CFAP95: variants seen among roughly 807,000 people sequenced by gnomAD.
The protein encoded by CFAP95 is cilia- and flagella-associated protein 95.
chr9:69,866,003 T>A, the CFAP95 span, among the ~76,000 whole-genome samples: 1 of 152,178 alleles, frequency 6.6e-6, no homozygotes, highest in African/African-American at 2.4e-5. Flanking sequence ...CTCTCACAGC[T>A]GGCCAGAGAT....
chr9:69,866,785 T>C, the CFAP95 span, among the ~76,000 whole-genome samples: 37 of 152,248 alleles, frequency 2.4e-4, no homozygotes, highest in African/African-American at 8.7e-4. Flanking sequence ...TATTTATCCA[T>C]TTTGAAATTT....
At chr9:69,881,578 A>G in the CFAP95 span, among the ~76,000 whole-genome samples, 1 of 152,184 alleles carries the variant, frequency 6.6e-6, no homozygotes, top group Non-Finnish European at 1.5e-5. Context: ...TTTGTAACAT[A>G]ATTTGAAGTC....
the CFAP95 span, among the ~76,000 whole-genome samples, chr9:69,892,628 A>G: frequency 2.6e-5 from 4 of 152,054 alleles, no homozygotes; most frequent in African/African-American, 9.7e-5. Flanking sequence ...GAGAATATAC[A>G]TTCCTTTTTA....
At chr9:69,853,984 G>C in the CFAP95 span, among the ~76,000 whole-genome samples, 1 of 152,160 alleles carries the variant, frequency 6.6e-6, no homozygotes, top group Non-Finnish European at 1.5e-5. Context: ...TAATTGTCCA[G>C]AACCAGTAAC....
the CFAP95 span, among the ~76,000 whole-genome samples, chr9:69,831,928 T>C: frequency 1.3e-5 from 2 of 152,318 alleles, no homozygotes; most frequent in African/African-American, 2.4e-5. Flanking sequence ...TATCCATCTA[T>C]CTATATGAAG....
the CFAP95 span, among the ~76,000 whole-genome samples, chr9:69,845,885 C>A: frequency 6.6e-6 from 1 of 152,182 alleles, no homozygotes; most frequent in African/African-American, 2.4e-5. Context: ...ACCCAACCCT[C>A]TTCCCTTTGC....
At chr9:69,856,737 G>A in the CFAP95 span, 3 of 1,155,510 alleles carry the variant, frequency 2.6e-6, no homozygotes, top group Admixed American at 2.0e-5. Flanking sequence ...TGTATAAGTA[G>A]CAAAAAGGTA....
the CFAP95 span, among the ~76,000 whole-genome samples, chr9:69,843,544 TCC>T: frequency 0.016 from 438 of 27,888 alleles, 101 homozygotes; most frequent in Middle Eastern, 0.043. Context: ...CTCCTCCTCC[TCC>T]TCCTCCTCCT....
At chr9:69,843,505 C>CCTCCTCCT in the CFAP95 span, among the ~76,000 whole-genome samples, 1 of 3,836 alleles carries the variant, frequency 2.6e-4, no homozygotes. Context: ...CCTCCTCCCC[C>CCTCCTCCT]CCTCCTCCTC....
At chr9:69,878,976 T>G in the CFAP95 span, among the ~76,000 whole-genome samples, 2 of 152,112 alleles carry the variant, frequency 1.3e-5, no homozygotes, top group African/African-American at 4.8e-5. Context: ...AGCTACACAC[T>G]TTTATATGAC....
At chr9:69,895,819 A>G in the CFAP95 span, among the ~76,000 whole-genome samples, 3 of 152,052 alleles carry the variant, frequency 2.0e-5, 1 homozygote, top group Non-Finnish European at 4.4e-5. Context: ...TTTTTGAGAC[A>G]GAGTCTTGCT....
At chr9:69,829,613 G>T in the CFAP95 span, among the ~76,000 whole-genome samples, 3 of 152,138 alleles carry the variant, frequency 2.0e-5, no homozygotes, top group African/African-American at 7.2e-5. Flanking sequence ...TCTCCTTGTT[G>T]TAATGCTGCT....
the CFAP95 span, among the ~76,000 whole-genome samples, chr9:69,873,072 G>A: frequency 6.6e-6 from 1 of 152,216 alleles, no homozygotes; most frequent in African/African-American, 2.4e-5. Flanking sequence ...GGGTGTCAAA[G>A]CCTATGATTT....
the CFAP95 span, among the ~76,000 whole-genome samples, chr9:69,888,062 C>T: frequency 3.3e-5 from 5 of 152,094 alleles, no homozygotes; most frequent in Admixed American, 2.6e-4. Context: ...AAAGGAATAG[C>T]TACCATTTTA....
chr9:69,826,105 C>G, the CFAP95 span, among the ~76,000 whole-genome samples: 1 of 152,104 alleles, frequency 6.6e-6, no homozygotes, highest in South Asian at 2.1e-4. Context: ...GACTTTTACA[C>G]AAAATCATCT....
chr9:69,858,316 A>C, the CFAP95 span: 1 of 300,222 alleles, frequency 3.3e-6, no homozygotes, highest in South Asian at 3.7e-5. Flanking sequence ...AAGGCACCAG[A>C]TGTGTACAAT....
At chr9:69,854,310 T>A in the CFAP95 span, among the ~76,000 whole-genome samples, 2 of 152,226 alleles carry the variant, frequency 1.3e-5, no homozygotes, top group Non-Finnish European at 2.9e-5. Flanking sequence ...TAGAACAGTT[T>A]CTGGCCATGT....
At chr9:69,861,761 T>A in the CFAP95 span, among the ~76,000 whole-genome samples, 1 of 143,768 alleles carries the variant, frequency 7.0e-6, no homozygotes. Context: ...AAACACAACA[T>A]TTTCTTAAGT....
At chr9:69,855,068 T>A in the CFAP95 span, among the ~76,000 whole-genome samples, 55 of 152,292 alleles carry the variant, frequency 3.6e-4, no homozygotes, top group Non-Finnish European at 2.9e-4. Context: ...AATTTGATTG[T>A]TTTTCCCTTC....
Sources: allele counts gnomAD v4.1 joint callset (sites outside exome capture counted in the v4.1 genomes callset), GRCh38; gene constraint gnomAD v4.1.1; transcripts MANE v1.5; gene names NCBI Gene and HGNC (gene_info 2026-07-23, HGNC 2026-07-21).